TRIO: variants seen among roughly 807,000 people sequenced by gnomAD.
TRIO encodes the protein trio Rho guanine nucleotide exchange factor.
A neutral mutation model predicts 351.9 loss-of-function variants in TRIO; 58 were observed. That is an observed-to-expected ratio of 0.16 (90% CI 0.13 to 0.21). TRIO has a LOEUF of 0.21. TRIO is among the 10% of genes least tolerant of loss of function. The probability of loss-of-function intolerance (pLI) is 1.00; values close to 1 mark genes in which losing one functional copy is unlikely to be tolerated. For synonymous variants in TRIO, 1,758 were observed against 1,595.7 expected (o/e 1.10, Z -2.42); for missense variants, 3,201 against 4,027.8 (o/e 0.79, Z 5.56).
intron 5 of TRIO, among the ~76,000 whole-genome samples, chr5:14,292,672 G>A (rs1737011667): frequency 6.6e-6 from 1 of 152,190 alleles, no homozygotes; most frequent in Non-Finnish European, 1.5e-5. Flanking sequence ...ACCTCACTGT[G>A]GCAAATTAAG....
chr5:14,394,336 T>G (rs1002786099), intron 28 of TRIO, among the ~76,000 whole-genome samples: 2 of 152,218 alleles, frequency 1.3e-5, no homozygotes, highest in African/African-American at 4.8e-5. Flanking sequence ...GCGTCTGAAC[T>G]GCACTGACTG....
rs551452668 is a variant in TRIO, at chr5:14,180,762, T to C, written c.157+36880T>C. Among the ~76,000 whole-genome samples, 37 of 152,158 alleles carry C rather than the reference T, an allele frequency of 2.4e-4. No individual in the cohort carries two copies. The East Asian group carries it at 7.2e-3, about 29-fold the overall frequency. ...GGAGGATCTCTTGAGCCCAGGAGTTTGAAGCTGCAATGAGCTCTGATTTCA... is the reference window on the plus strand; with the variant it reads ...GGAGGATCTCTTGAGCCCAGGAGTTCGAAGCTGCAATGAGCTCTGATTTCA... On this transcript the variant is annotated intron_variant, in intron 1 of 56. Transcript: ENST00000344204.
At chr5:14,476,548 T>C (rs1162335554) in intron 40 of TRIO, among the ~76,000 whole-genome samples, 2 of 152,112 alleles carry the variant, frequency 1.3e-5, no homozygotes, top group African/African-American at 2.4e-5. Flanking sequence ...TCCCAGCACA[T>C]TGGGAGGCTG....
intron 11 of TRIO, among the ~76,000 whole-genome samples, chr5:14,349,235 T>TGTG (rs536337016): frequency 3.5e-5 from 5 of 141,482 alleles, no homozygotes; most frequent in Admixed American, 2.8e-4. Flanking sequence ...TCCTGTGTGT[T>TGTG]TGTGTGTGCA....
At chr5:14,406,769 CAT>C in intron 33 of TRIO, 97 bp downstream of exon 33, 3 of 1,253,780 alleles carry the variant, frequency 2.4e-6, no homozygotes, top group Non-Finnish European at 3.4e-6. Flanking sequence ...TTGTCATCAA[CAT>C]TTTCAAGCAG....
intron 1 of TRIO, among the ~76,000 whole-genome samples, chr5:14,226,947 G>A (rs1793083272): frequency 1.5e-5 from 1 of 65,596 alleles, no homozygotes; most frequent in Non-Finnish European, 3.6e-5. Context: ...GCTTAAAGTA[G>A]GAGTCCAGGA....
chr5:14,180,468 C>T (rs1789702748), intron 1 of TRIO, among the ~76,000 whole-genome samples: 1 of 152,058 alleles, frequency 6.6e-6, no homozygotes, highest in Non-Finnish European at 1.5e-5. Context: ...TAAATTGTTC[C>T]TTTGTAAGAA....
intron 19 of TRIO, 95 bp from the exon 20 acceptor site, chr5:14,377,917 A>G (rs2152351059): frequency 1.1e-6 from 1 of 912,758 alleles, no homozygotes; most frequent in East Asian, 2.7e-5. Flanking sequence ...TTGCAATGGC[A>G]TTTGCATAAA....
At position 14,268,706 on chromosome 5, in the gene TRIO, C is replaced by T. The variant is rs148080866; in HGVS notation, c.158-2119C>T. Among the ~76,000 whole-genome samples the T allele has an allele frequency of 9.6e-3, 1,461 of 152,308 alleles. 28 individuals carry two copies. Among genetic ancestry groups the T allele is most frequent in the African/African-American group, 0.033 (1,390 of 41,570 alleles). ...TGTGATCTGTCCCCTCCTCATTTGC[C>T]TGGGTCCCATAGCACTTCGTGCTGC... On this transcript the variant is annotated intron_variant, in intron 1 of 56. Transcript: ENST00000344204.
At chr5:14,430,512 C>T (rs943368183) in intron 34 of TRIO, among the ~76,000 whole-genome samples, 2 of 152,098 alleles carry the variant, frequency 1.3e-5, no homozygotes, top group Non-Finnish European at 2.9e-5. Context: ...GTGCCCCATA[C>T]GCCTTCCATC....
In TRIO at chr5:14,354,152, A is replaced by G. The variant is rs115628698; in HGVS notation, c.2047-4026A>G. On this transcript the variant is annotated intron_variant, in intron 11 of 56. Transcript: ENST00000344204. Reference sequence around the variant, plus strand: ...CAGCGGTGCTGGGGGCCTGACCCCTACTGTCTGAGCAGGGCTGGGAGGGTG... The same window carrying G: ...CAGCGGTGCTGGGGGCCTGACCCCTGCTGTCTGAGCAGGGCTGGGAGGGTG... Among the ~76,000 whole-genome samples the G allele has an allele frequency of 9.8e-3, 1,485 of 152,276 alleles. 26 individuals carry two copies. Among genetic ancestry groups the G allele is most frequent in the African/African-American group, 0.034 (1,413 of 41,558 alleles).
At position 14,396,443 on chromosome 5, in the gene TRIO, C is replaced by CTTTTTTTTTTTTTTTTTTTT. The variant is rs1173121592; in HGVS notation, c.4312-575_4312-556dup. Among the ~76,000 whole-genome samples the CTTTTTTTTTTTTTTTTTTTT allele has an allele frequency of 3.9e-4, 16 of 41,554 alleles. 3 individuals are homozygous for CTTTTTTTTTTTTTTTTTTTT. Among genetic ancestry groups the CTTTTTTTTTTTTTTTTTTTT allele is most frequent in the Non-Finnish European group, 5.4e-4 (12 of 22,182 alleles). The allele number at this position is 41,554 out of a possible 152,430, so 27.3% of individuals were successfully genotyped here. A position where few individuals can be genotyped will look rare whatever the true frequency, so the allele number is the denominator to read the frequency against. On this transcript the variant is annotated intron_variant, in intron 28 of 56. Transcript: ENST00000344204. ...ATAATAATTAAATATTTCTATTTATCTTTTTTTTTTTTTTTTTTTTTTTTT... is the reference window on the plus strand; with the variant it reads ...ATAATAATTAAATATTTCTATTTATCTTTTTTTTTTTTTTTTTTTTTTTTTTTTTTTTTTTTTTTTTTTTT...
chr5:14,401,735 AT>A (rs1377758712), intron 31 of TRIO, among the ~76,000 whole-genome samples: 2 of 152,242 alleles, frequency 1.3e-5, no homozygotes, highest in Admixed American at 1.3e-4. Context: ...TGTCTTATGT[AT>A]TTTCCTCCTC....
At chr5:14,398,770 G>T (rs1365435243) in intron 29 of TRIO, 110 bp from the exon 30 acceptor site, 8 of 1,047,104 alleles carry the variant, frequency 7.6e-6, no homozygotes, top group Non-Finnish European at 1.1e-5. Context: ...CTTATCTAGG[G>T]TTGGCCGATG....
intron 33 of TRIO, among the ~76,000 whole-genome samples, chr5:14,409,378 C>CAA (rs533985839): frequency 0.19 from 16,171 of 83,650 alleles, 1,441 homozygotes; most frequent in African/African-American, 0.36. Context: ...ATAGGTTTGC[C>CAA]AAAAAAAAAA....
chr5:14,384,421 T>C (rs906850729), intron 21 of TRIO, among the ~76,000 whole-genome samples: 1 of 152,254 alleles, frequency 6.6e-6, no homozygotes, highest in Non-Finnish European at 1.5e-5. Context: ...TCCTCGATTA[T>C]GCCTACAGAT....
Position 14,433,230 on chromosome 5 carries a change from C to T in TRIO, c.5203+13209C>T, listed in dbSNP as rs148514193. On this transcript the variant is annotated intron_variant, in intron 34 of 56. Coordinates refer to ENST00000344204, the MANE Select transcript of TRIO (RefSeq NM_007118.4). Reference sequence around the variant, plus strand: ...AATAAAGCAATGAAAAGGAGCCTATCGAATTCTTGGCACCCACATGAAGAG... The same window carrying T: ...AATAAAGCAATGAAAAGGAGCCTATTGAATTCTTGGCACCCACATGAAGAG... 7.9e-5 allele frequency among the ~76,000 whole-genome samples: 12 copies of T among 152,302 alleles called. No homozygotes were observed. In the South Asian group the frequency reaches 1.0e-3, roughly 13 times the overall value.
At chr5:14,311,638 C>G (rs1001393991) in intron 8 of TRIO, among the ~76,000 whole-genome samples, 1 of 152,162 alleles carries the variant, frequency 6.6e-6, no homozygotes, top group Non-Finnish European at 1.5e-5. Flanking sequence ...TACCTGCTGA[C>G]CCCTTTTCAT....
intron 18 of TRIO, among the ~76,000 whole-genome samples, chr5:14,372,537 C>A (rs1440183389): frequency 6.6e-6 from 1 of 152,026 alleles, no homozygotes; most frequent in Non-Finnish European, 1.5e-5. Flanking sequence ...CCTTTGGCCT[C>A]GATTAGCTAG....
Sources: gnomAD v4.1 joint callset for allele counts (sites outside exome capture counted in the v4.1 genomes callset) on GRCh38, gnomAD v4.1.1 for gene constraint, MANE v1.5 for transcripts, NCBI Gene and HGNC (gene_info 2026-07-23, HGNC 2026-07-21) for gene names.